Variants in TLE6 observed in about 807,000 individuals in gnomAD.
TLE6 encodes TLE family member 6, subcortical maternal complex member, also known as transducin-like enhancer protein 6.
A neutral mutation model predicts 77.1 loss-of-function variants in TLE6; 72 were observed. The observed-to-expected ratio is 0.93, with a 90% confidence interval of 0.77 to 1.14. The LOEUF (loss-of-function observed/expected upper bound fraction) is 1.14. TLE6 is among the 50% of genes most tolerant of loss of function. The pLI is 0.00. For synonymous variants in TLE6, 366 were observed against 287.3 expected (o/e 1.27, Z -2.77); for missense variants, 843 against 747.6 (o/e 1.13, Z -1.49).
At position 2,978,070 on chromosome 19, in the gene TLE6, G is replaced by A. The variant is rs1428430475; in HGVS notation, c.-36-128G>A. The stretch of plus-strand genomic sequence containing the variant: ...GACAGGACCTAGGGAACGCATGGGA[G>A]AACCGCAGGATTGGGTCCCTGGAGA... On this transcript the variant is annotated intron_variant, in intron 1 of 16. Transcript: ENST00000246112. 7.6e-6 allele frequency: 5 copies of A among 659,464 alleles called. No homozygotes were observed. In the East Asian group the frequency reaches 1.4e-4, roughly 18 times the overall value. 40.9% of individuals were successfully genotyped at this position (659,464 alleles called of 1,614,324 possible).
rs377122023 is a variant in TLE6, at chr19:2,987,753, T to A, written c.588T>A (p.Cys196Ter). The A allele has an allele frequency of 1.2e-6, 2 of 1,614,126 alleles. No homozygotes were observed. Among genetic ancestry groups the A allele is most frequent in the Non-Finnish European group, 1.7e-6 (2 of 1,180,012 alleles). The stretch of plus-strand genomic sequence containing the variant: ...AGGAAAGCAAGGCACCAGGATCCTG[T>A]GACCCAGGAACAGACCCATGTCCTG... ...LGQESKAPGS[C>*]DPGTDPCPED... Residue 196 changes from cysteine to a stop codon, truncating the protein, a stop_gained, in exon 9 of 17, where the codon TGT (cysteine) becomes TGA (stop). Coordinates refer to ENST00000246112, the MANE Select transcript of TLE6 (RefSeq NM_001143986.2). LOFTEE classifies it high-confidence loss of function.
chr19:2,992,346 C>A (rs2089088201), intron 14 of TLE6, among the ~76,000 whole-genome samples: 1 of 152,112 alleles, frequency 6.6e-6, no homozygotes, highest in South Asian at 2.1e-4. Context: ...GTGGCACATG[C>A]CTATAATCCC....
At chr19:2,989,490 A>C in intron 12 of TLE6, 45 bp from the exon 13 acceptor site, 1 of 1,588,182 alleles carries the variant, frequency 6.3e-7, no homozygotes, top group Middle Eastern at 2.2e-4. Flanking sequence ...GTCCAGGCAG[A>C]ATGCCACGGG....
intron 16 of TLE6, among the ~76,000 whole-genome samples, chr19:2,994,613 AATAAT>A (rs2089167506): frequency 1.4e-5 from 2 of 143,754 alleles, no homozygotes; most frequent in Non-Finnish European, 3.1e-5. Context: ...CTAAAAAAAT[AATAAT>A]AATAATTAAA....
Position 2,995,064 on chromosome 19 carries a change from C to CCG in TLE6, c.*61_*62insGC, listed in dbSNP as rs1555687667. The CCG allele has an allele frequency of 7.5e-5, 77 of 1,023,364 alleles. No homozygotes were observed. Among genetic ancestry groups the CCG allele is most frequent in the Admixed American group, 4.5e-4 (22 of 48,690 alleles). The allele number at this position is 1,023,364 out of a possible 1,614,324, so 63.4% of individuals were successfully genotyped here. ...CTTTTCATCCCCCCCCTTCCCCCCCCCCAACAAGGGGGACATGGTGGAGGG... is the reference window on the plus strand; with the variant it reads ...CTTTTCATCCCCCCCCTTCCCCCCCCCGCCAACAAGGGGGACATGGTGGAGGG... On this transcript the variant is annotated 3_prime_UTR_variant, in exon 17 of 17. Coordinates refer to ENST00000246112, the MANE Select transcript of TLE6 (RefSeq NM_001143986.2).
chr19:2,981,153 G>T (rs533804914), intron 3 of TLE6, among the ~76,000 whole-genome samples: 66 of 152,208 alleles, frequency 4.3e-4, no homozygotes, highest in African/African-American at 1.6e-3. Context: ...GGAGTCAGGG[G>T]TTTGACACCA....
At position 2,995,070 on chromosome 19, in the gene TLE6, A is replaced by C. The variant is rs2089184345; in HGVS notation, c.*66A>C. On this transcript the variant is annotated 3_prime_UTR_variant, in exon 17 of 17. Transcript: ENST00000246112. ...ATCCCCCCCCTTCCCCCCCCCCAAC[A>C]AGGGGGACATGGTGGAGGGAAGCGG... 5.6e-4 allele frequency: 503 copies of C among 902,710 alleles called. No individual in the cohort carries two copies. The highest frequency in any genetic ancestry group is 7.6e-4 in the Non-Finnish European group (440 of 577,848). The allele number at this position is 902,710 out of a possible 1,614,324, so 55.9% of individuals were successfully genotyped here. A position where few individuals can be genotyped will look rare whatever the true frequency, so the allele number is the denominator to read the frequency against.
At chr19:2,987,512 G>A in intron 8 of TLE6, 140 bp downstream of exon 8, 4 of 1,309,652 alleles carry the variant, frequency 3.1e-6, no homozygotes, top group Non-Finnish European at 4.4e-6. Context: ...GGGGGACTTG[G>A]GTGATCCAGG....
At chr19:2,991,391 T>TACACACACAC (rs1362277911) in intron 13 of TLE6, among the ~76,000 whole-genome samples, 1 of 114,820 alleles carries the variant, frequency 8.7e-6, no homozygotes, top group African/African-American at 3.7e-5. Flanking sequence ...TATATATATA[T>TACACACACAC]ATATACACAC....
intron 12 of TLE6, 44 bp downstream of exon 12, chr19:2,989,357 C>G: frequency 6.2e-7 from 1 of 1,605,058 alleles, no homozygotes. Context: ...CTTCTGGGAA[C>G]AGGGGGTTTG....
chr19:2,991,455 T>C (rs1019363343), intron 13 of TLE6, among the ~76,000 whole-genome samples: 1 of 144,682 alleles, frequency 6.9e-6, no homozygotes, highest in Non-Finnish European at 1.5e-5. Context: ...TTATAACATA[T>C]AAGATATCTA....
intron 11 of TLE6, 49 bp downstream of exon 11, chr19:2,988,177 AT>A (rs1292691298): frequency 1.3e-6 from 2 of 1,534,960 alleles, no homozygotes; most frequent in Non-Finnish European, 1.8e-6. Context: ...GGCAGCGGGA[AT>A]TCCTTCCTGT....
intron 9 of TLE6, 27 bp from the exon 10 acceptor site, chr19:2,987,871 G>T (rs189893966): frequency 1.2e-6 from 2 of 1,612,174 alleles, no homozygotes; most frequent in South Asian, 2.2e-5. Context: ...AATGCAAGCC[G>T]CTTAGCCCCT....
At chr19:2,980,246 CG>C in intron 3 of TLE6, 64 bp downstream of exon 3, 3 of 1,405,838 alleles carry the variant, frequency 2.1e-6, no homozygotes, top group Non-Finnish European at 2.9e-6. Flanking sequence ...GCCTCTCTCC[CG>C]GGGGTCCTAG....
At position 2,988,123 on chromosome 19, in the gene TLE6, G is replaced by T. The variant is rs1477194810; in HGVS notation, c.735G>T (p.Gln245His). ...EPPGRASRFL[Q>H]SISWDPEDFE... ...CTGGAAGAGCCTCTCGGTTTCTACA[G>T]TCCATGTAAGTGTCTGCACTGTTTG... The change falls in exon 11 of 17, where the codon CAG becomes CAT. Residue 245 changes from glutamine (Q) to histidine (H), a missense_variant. Coordinates refer to ENST00000246112, the MANE Select transcript of TLE6 (RefSeq NM_001143986.2). The T allele has an allele frequency of 1.9e-6, 3 of 1,551,652 alleles. No individual in the cohort carries two copies. Among genetic ancestry groups the T allele is most frequent in the Non-Finnish European group, 2.6e-6 (3 of 1,147,002 alleles).
rs6510730 is a variant in TLE6 at position 2,989,699 on chromosome 19, T to C, written c.1158T>C (p.Asp386=). 441,882 of 1,613,972 alleles carry C rather than the reference T, an allele frequency of 0.27. 68,142 individuals are homozygous for C. Among genetic ancestry groups the C allele is most frequent in the African/African-American group, 0.61 (45,796 of 74,976 alleles). The change falls in exon 13 of 17, where the codon GAT becomes GAC. Residue 386 remains aspartate, a synonymous_variant. Coordinates refer to ENST00000246112, the MANE Select transcript of TLE6 (RefSeq NM_001143986.2). ...PCAGLNCQAL[D]ANLDANLAFA... is the part of the protein sequence containing the mutation. ...CAGGTCTCAACTGCCAGGCCCTGGA[T>C]GCCAACCTGGATGCCAACCTGGCCT... is the stretch of plus-strand genomic sequence containing the variant.
At chr19:2,989,498 G>T (rs773443263) in intron 12 of TLE6, 37 bp from the exon 13 acceptor site, 1 of 1,591,404 alleles carries the variant, frequency 6.3e-7, no homozygotes, top group South Asian at 1.1e-5. Flanking sequence ...AGAATGCCAC[G>T]GGGGGCGACA....
At chr19:2,983,772 G>C (rs1236942760) in intron 5 of TLE6, 2 of 152,880 alleles carry the variant, frequency 1.3e-5, no homozygotes, top group Non-Finnish European at 2.9e-5. Flanking sequence ...AGAAGGAGGA[G>C]GGATGAGGGC....
At position 2,991,894 on chromosome 19, in the gene TLE6, C is replaced by T. The variant is rs1324218980; in HGVS notation, c.1296C>T (p.Tyr432=). Residue 432 remains tyrosine (Y), a synonymous_variant, in exon 14 of 17, where the codon TAC becomes TAT. Transcript: ENST00000246112. ...DGVKSIVVKG[Y]NIWTGGPDAC... ...TCAAGAGTATCGTGGTCAAGGGCTA[C>T]AACATCTGGACTGGGGGTCCGGATG... 1 of 1,613,878 alleles carries T rather than the reference C, an allele frequency of 6.2e-7. No individual in the cohort carries two copies. The highest frequency in any genetic ancestry group is 8.5e-7 in the Non-Finnish European group (1 of 1,179,982).
Sources: allele counts gnomAD v4.1 joint callset (sites outside exome capture counted in the v4.1 genomes callset), GRCh38; gene constraint gnomAD v4.1.1; transcripts MANE v1.5; gene names NCBI Gene and HGNC (gene_info 2026-07-23, HGNC 2026-07-21).